Variants in CTNNA2 observed in about 807,000 individuals in gnomAD.
CTNNA2 encodes the protein catenin alpha-2.
A neutral mutation model predicts 101.0 loss-of-function variants in CTNNA2; 42 were observed. The observed-to-expected ratio is 0.42, with a 90% CI of 0.32 to 0.54. The LOEUF is 0.54. Ranked by LOEUF, CTNNA2 falls within the 20% of genes least tolerant of loss-of-function variation. The pLI is 0.14. For missense variants in CTNNA2, 871 were observed against 1,223.1 expected, an observed-to-expected ratio of 0.71 and a Z score of 4.29; for synonymous variants, 450 against 456.4, an observed-to-expected ratio of 0.99 and a Z score of 0.18.
intron 7 of CTNNA2, among the ~76,000 whole-genome samples, chr2:80,355,445 T>G (rs1673691128): frequency 6.6e-6 from 1 of 152,154 alleles, no homozygotes. Flanking sequence ...GGATGAGAGC[T>G]ACATTCTAAG....
chr2:79,965,476 T>G (rs1689974828), intron 7 of CTNNA2, among the ~76,000 whole-genome samples: 1 of 152,122 alleles, frequency 6.6e-6, no homozygotes, highest in Admixed American at 6.5e-5. Context: ...TCTAAGTAAA[T>G]GGCTTCACAC....
At chr2:79,399,683 G>A (rs1678269667) in intron 4 of CTNNA2, among the ~76,000 whole-genome samples, 1 of 151,812 alleles carries the variant, frequency 6.6e-6, no homozygotes. Context: ...TAAATGTCCA[G>A]TTTTCAATAA....
chr2:80,292,741 T>G (rs1340181987), intron 7 of CTNNA2, among the ~76,000 whole-genome samples: 2 of 152,234 alleles, frequency 1.3e-5, no homozygotes, highest in African/African-American at 2.4e-5. Context: ...TATTGTTCAC[T>G]CCACAAATGT....
chr2:79,670,301 A>G (rs1682742415), intron 2 of CTNNA2, among the ~76,000 whole-genome samples: 1 of 152,088 alleles, frequency 6.6e-6, no homozygotes, highest in South Asian at 2.1e-4. Flanking sequence ...CACTCCCTAC[A>G]AGAGCACAGG....
At chr2:80,269,015 A>C (rs573799322) in intron 7 of CTNNA2, among the ~76,000 whole-genome samples, 12 of 152,242 alleles carry the variant, frequency 7.9e-5, no homozygotes, top group Non-Finnish European at 1.0e-4. Context: ...TAGTCAAAGA[A>C]ATAGCTGTCT....
At chr2:80,318,944 T>C (rs1487191267) in intron 7 of CTNNA2, among the ~76,000 whole-genome samples, 1 of 152,200 alleles carries the variant, frequency 6.6e-6, no homozygotes, top group South Asian at 2.1e-4. Context: ...GAAGAGGTTT[T>C]AGTGTATGTT....
intron 3 of CTNNA2, among the ~76,000 whole-genome samples, chr2:79,762,485 T>G (rs1672861123): frequency 6.6e-6 from 1 of 152,170 alleles, no homozygotes; most frequent in African/African-American, 2.4e-5. Flanking sequence ...AACGAGTAGA[T>G]TTTATGATTT....
intron 3 of CTNNA2, among the ~76,000 whole-genome samples, chr2:79,764,015 A>G (rs549015935): frequency 6.6e-6 from 1 of 152,336 alleles, no homozygotes; most frequent in African/African-American, 2.4e-5. Flanking sequence ...CGGGAAAAGC[A>G]AAATTGGTCA....
At chr2:79,656,073 C>T (rs1445217943) in intron 2 of CTNNA2, among the ~76,000 whole-genome samples, 4 of 152,046 alleles carry the variant, frequency 2.6e-5, no homozygotes, top group Non-Finnish European at 5.9e-5. Flanking sequence ...CTTATATTTC[C>T]TCCTAGTATT....
At chr2:79,828,173 AT>A in intron 3 of CTNNA2, among the ~76,000 whole-genome samples, 1 of 152,208 alleles carries the variant, frequency 6.6e-6, no homozygotes, top group South Asian at 2.1e-4. Context: ...GCATTTGATA[AT>A]TTTTCCCTTC....
intron 4 of CTNNA2, among the ~76,000 whole-genome samples, chr2:79,412,392 G>A (rs1237938547): frequency 1.3e-5 from 2 of 151,990 alleles, no homozygotes; most frequent in African/African-American, 2.4e-5. Flanking sequence ...GCACCAAGCA[G>A]ACCTAATAGA....
At chr2:79,695,344 A>G (rs1350860313) in intron 2 of CTNNA2, among the ~76,000 whole-genome samples, 1 of 151,956 alleles carries the variant, frequency 6.6e-6, no homozygotes, top group Non-Finnish European at 1.5e-5. Flanking sequence ...ATTTCTTATG[A>G]AGGGTTACAG....
chr2:80,356,253 G>T (rs1271376651), intron 7 of CTNNA2, among the ~76,000 whole-genome samples: 1 of 152,072 alleles, frequency 6.6e-6, no homozygotes, highest in African/African-American at 2.4e-5. Context: ...ACCTCACATT[G>T]GCACAAAGGT....
At chr2:80,273,189 G>A (rs1388749524) in intron 7 of CTNNA2, among the ~76,000 whole-genome samples, 1 of 152,036 alleles carries the variant, frequency 6.6e-6, no homozygotes, top group East Asian at 1.9e-4. Context: ...ATCTTGCACT[G>A]GGTGGAGAGG....
chr2:79,424,418 G>A (rs898454680), intron 4 of CTNNA2, among the ~76,000 whole-genome samples: 1 of 152,086 alleles, frequency 6.6e-6, no homozygotes, highest in Admixed American at 6.6e-5. Context: ...TAGCAGAGCA[G>A]GATTGTCAAC....
intron 3 of CTNNA2, among the ~76,000 whole-genome samples, chr2:79,840,789 G>T (rs1558570287): frequency 6.9e-6 from 1 of 145,594 alleles, no homozygotes; most frequent in Non-Finnish European, 1.5e-5. Flanking sequence ...TTTTGAGACA[G>T]AGTCTCGCTC....
chr2:79,843,852 G>T (rs964833607), intron 3 of CTNNA2, among the ~76,000 whole-genome samples: 25 of 152,018 alleles, frequency 1.6e-4, no homozygotes, highest in Non-Finnish European at 1.8e-4. Flanking sequence ...ATGTGTAAAT[G>T]ACAAAGAATT....
At chr2:79,902,464 T>C (rs749195107) in intron 6 of CTNNA2, among the ~76,000 whole-genome samples, 1 of 152,140 alleles carries the variant, frequency 6.6e-6, no homozygotes, top group Non-Finnish European at 1.5e-5. Context: ...AGGCGATAGA[T>C]TTTGCATATT....
chr2:79,210,733 CCTG>C (rs1674160918), intron 2 of CTNNA2, among the ~76,000 whole-genome samples: 2 of 152,114 alleles, frequency 1.3e-5, no homozygotes, highest in Non-Finnish European at 2.9e-5. Flanking sequence ...CCAGATACCT[CCTG>C]CTGCTGCTGA....
Sources: gnomAD v4.1 joint callset for allele counts (sites outside exome capture counted in the v4.1 genomes callset) on GRCh38, gnomAD v4.1.1 for gene constraint, MANE v1.5 for transcripts, NCBI Gene and HGNC (gene_info 2026-07-23, HGNC 2026-07-21) for gene names.